Variants in UTRN observed in about 807,000 individuals in gnomAD.
The protein encoded by UTRN is utrophin, also known as dystrophin-related protein 1.
UTRN carries 283 observed loss-of-function variants against 463.9 expected under a neutral mutation model. The ratio of observed to expected loss-of-function variants is 0.61; its 90% CI spans 0.55 to 0.67. The LOEUF (loss-of-function observed/expected upper bound fraction) is 0.67, where lower values mean the gene tolerates loss of function less well. UTRN is among the 30% of genes least tolerant of loss of function. The probability of loss-of-function intolerance (pLI) is 0.00; values close to 1 mark genes in which losing one functional copy is unlikely to be tolerated. For synonymous variants in UTRN, 1,442 were observed against 1,431.5 expected (o/e 1.01, Z -0.17); for missense variants, 3,922 against 4,084.3 (o/e 0.96, Z 1.08).
At chr6:144,611,380 G>A (rs1193359155) in intron 51 of UTRN, among the ~76,000 whole-genome samples, 3 of 152,112 alleles carry the variant, frequency 2.0e-5, no homozygotes, top group East Asian at 1.9e-4. Context: ...GATTAGGGAA[G>A]GGAAAGAAAT....
intron 2 of UTRN, among the ~76,000 whole-genome samples, chr6:144,395,817 T>C (rs1326206375): frequency 1.3e-5 from 2 of 152,146 alleles, no homozygotes; most frequent in Non-Finnish European, 2.9e-5. Flanking sequence ...TTAGGTAGTT[T>C]CTGTGTTTTC....
At chr6:144,595,017 G>A (rs1274819156) in intron 51 of UTRN, among the ~76,000 whole-genome samples, 1 of 152,070 alleles carries the variant, frequency 6.6e-6, no homozygotes, top group African/African-American at 2.4e-5. Context: ...TATAAAATAT[G>A]CACAGTAATG....
chr6:144,511,464 A>G (rs1457702760), intron 35 of UTRN, among the ~76,000 whole-genome samples: 1 of 152,234 alleles, frequency 6.6e-6, no homozygotes, highest in Non-Finnish European at 1.5e-5. Flanking sequence ...TAGTGTTTGA[A>G]TAATGGCATA....
At chr6:144,721,625 G>A (rs1289867475) in intron 53 of UTRN, among the ~76,000 whole-genome samples, 1 of 152,094 alleles carries the variant, frequency 6.6e-6, no homozygotes, top group Non-Finnish European at 1.5e-5. Flanking sequence ...GGAATTGAAG[G>A]TCTTTTCACA....
intron 9 of UTRN, among the ~76,000 whole-genome samples, chr6:144,433,417 C>G (rs1332522583): frequency 6.6e-6 from 1 of 152,062 alleles, no homozygotes; most frequent in Non-Finnish European, 1.5e-5. Flanking sequence ...ACGCTCCTCA[C>G]TTCCCAGACG....
chr6:144,298,655 G>A (rs565059587), intron 2 of UTRN, among the ~76,000 whole-genome samples: 13 of 152,322 alleles, frequency 8.5e-5, no homozygotes, highest in African/African-American at 3.1e-4. Context: ...CACATTTTTT[G>A]TGTGAATATT....
At chr6:144,699,006 A>G (rs1272396573) in intron 52 of UTRN, among the ~76,000 whole-genome samples, 1 of 152,208 alleles carries the variant, frequency 6.6e-6, no homozygotes, top group African/African-American at 2.4e-5. Context: ...CCTTAAGCCA[A>G]ATAGTATCCT....
intron 51 of UTRN, among the ~76,000 whole-genome samples, chr6:144,585,988 G>A (rs1802427104): frequency 6.6e-6 from 1 of 152,078 alleles, no homozygotes; most frequent in Admixed American, 6.5e-5. Flanking sequence ...GAAATTCAGT[G>A]TCTGAATATT....
At chr6:144,655,423 T>C (rs1474638809) in intron 51 of UTRN, among the ~76,000 whole-genome samples, 1 of 152,258 alleles carries the variant, frequency 6.6e-6, no homozygotes, top group Non-Finnish European at 1.5e-5. Context: ...AGAAGGGTTA[T>C]GAAAAGGAGA....
intron 3 of UTRN, among the ~76,000 whole-genome samples, chr6:144,415,888 G>A (rs1477173860): frequency 6.6e-6 from 1 of 152,174 alleles, no homozygotes; most frequent in Non-Finnish European, 1.5e-5. Context: ...GTTTTTGGAA[G>A]TGGAAGGACA....
chr6:144,709,088 GCA>G (rs1359530170), intron 53 of UTRN, among the ~76,000 whole-genome samples: 1 of 152,136 alleles, frequency 6.6e-6, no homozygotes, highest in Non-Finnish European at 1.5e-5. Context: ...CTTAATATCA[GCA>G]CAGTGTCACT....
rs577966907 is a variant in UTRN at position 144,767,766 on chromosome 6, T to C, written c.8496-4141T>C. ...AAAGAAGAAATATTTTTTTCTTTGA[T>C]TGTCTTATCTCAGAGCAATATACAT... On this transcript the variant is annotated intron_variant, in intron 58 of 74. Coordinates refer to ENST00000367545, the MANE Select transcript of UTRN (RefSeq NM_007124.3). 7.2e-5 allele frequency among the ~76,000 whole-genome samples: 11 copies of C among 152,292 alleles called. No homozygotes were observed. In the South Asian group the frequency reaches 2.3e-3, roughly 32 times the overall value.
intron 50 of UTRN, among the ~76,000 whole-genome samples, chr6:144,570,382 C>T (rs544284593): frequency 6.6e-6 from 1 of 152,046 alleles, no homozygotes; most frequent in East Asian, 1.9e-4. Context: ...GGGGAGATGC[C>T]TCCTGGGGAG....
intron 2 of UTRN, among the ~76,000 whole-genome samples, chr6:144,333,934 C>A (rs1365162469): frequency 6.6e-6 from 1 of 152,188 alleles, no homozygotes; most frequent in African/African-American, 2.4e-5. Context: ...CACCCACCTA[C>A]TATGTGCTAG....
Position 144,453,834 on chromosome 6 carries a change from A to G in UTRN, c.2249A>G (p.Gln750Arg). Residue 750 changes from glutamine (Q) to arginine (R), a missense_variant, in exon 19 of 75, where the codon CAA becomes CGA. This residue lies in a region of UTRN where 2,349 missense variants were observed against 2,303.8 expected (regional missense o/e 1.02). Transcript: ENST00000367545. ...ERIPRADELNQTGQILVEQMG... is the reference protein window; with the variant it reads ...ERIPRADELNRTGQILVEQMG... ...ATCCCCAGAGCAGATGAATTAAACC[A>G]AACTGGACAAATCCTTGTGGAGCAA... The G allele has an allele frequency of 6.2e-7, 1 of 1,613,708 alleles. No individual in the cohort carries two copies. The highest frequency in any genetic ancestry group is 8.5e-7 in the Non-Finnish European group (1 of 1,179,756).
At chr6:144,452,017 C>G (rs574551566) in intron 18 of UTRN, among the ~76,000 whole-genome samples, 4 of 151,988 alleles carry the variant, frequency 2.6e-5, no homozygotes, top group African/African-American at 9.7e-5. Context: ...GCTTTTTTGT[C>G]CTGGGTGCTC....
At chr6:144,371,163 G>C (rs1779948436) in intron 2 of UTRN, among the ~76,000 whole-genome samples, 1 of 152,130 alleles carries the variant, frequency 6.6e-6, no homozygotes, top group South Asian at 2.1e-4. Flanking sequence ...TTTTGTTTAT[G>C]TGCATTTACT....
At chr6:144,310,863 C>T (rs1184763711) in intron 2 of UTRN, among the ~76,000 whole-genome samples, 5 of 152,170 alleles carry the variant, frequency 3.3e-5, no homozygotes, top group Non-Finnish European at 2.9e-5. Context: ...TTTATTGTCC[C>T]GATTGATTAG....
intron 3 of UTRN, among the ~76,000 whole-genome samples, chr6:144,410,547 T>C (rs1783793671): frequency 6.6e-6 from 1 of 152,226 alleles, no homozygotes; most frequent in South Asian, 2.1e-4. Flanking sequence ...ACCCGATTTG[T>C]AAAATTTTAT....
Sources: allele counts gnomAD v4.1 joint callset (sites outside exome capture counted in the v4.1 genomes callset), GRCh38; gene constraint gnomAD v4.1.1; regional missense constraint gnomAD v4.1.1; transcripts MANE v1.5; gene names NCBI Gene and HGNC (gene_info 2026-07-23, HGNC 2026-07-21).